Variants in DNER observed in about 807,000 individuals in gnomAD.
DNER encodes delta and Notch-like epidermal growth factor-related receptor.
A neutral mutation model predicts 78.2 loss-of-function variants in DNER; 33 were observed. That is an observed-to-expected ratio of 0.42 (90% CI 0.32 to 0.56). The LOEUF (loss-of-function observed/expected upper bound fraction) is 0.56. DNER is among the 20% of genes least tolerant of loss of function. The probability of loss-of-function intolerance (pLI) is 0.11; values close to 1 mark genes in which losing one functional copy is unlikely to be tolerated. For synonymous variants in DNER, 417 were observed against 384.8 expected (o/e 1.08, Z -0.98); for missense variants, 918 against 975.3 (o/e 0.94, Z 0.78).
intron 1 of DNER, among the ~76,000 whole-genome samples, chr2:229,667,620 C>T (rs1167679259): frequency 6.6e-6 from 1 of 152,016 alleles, no homozygotes; most frequent in East Asian, 1.9e-4. Flanking sequence ...TAGCATTTGC[C>T]CCAAATAAAT....
intron 7 of DNER, among the ~76,000 whole-genome samples, chr2:229,471,296 A>G (rs1694920528): frequency 6.6e-6 from 1 of 152,100 alleles, no homozygotes; most frequent in Non-Finnish European, 1.5e-5. Flanking sequence ...AAGCATTACC[A>G]CTGAAATTTG....
chr2:229,583,753 A>G (rs895889823), intron 4 of DNER, among the ~76,000 whole-genome samples: 1 of 152,244 alleles, frequency 6.6e-6, no homozygotes, highest in Non-Finnish European at 1.5e-5. Context: ...GGAAGTAAAT[A>G]ACAGTTACTT....
intron 7 of DNER, among the ~76,000 whole-genome samples, chr2:229,458,964 T>C (rs1016864880): frequency 2.6e-5 from 4 of 152,044 alleles, no homozygotes; most frequent in Non-Finnish European, 5.9e-5. Context: ...AGTGTTTCTA[T>C]ACACTAGTAA....
rs1287470631 is a variant in DNER, at chr2:229,358,204, G to A, written c.*336C>T. 5 of 166,312 alleles carry A rather than the reference G, an allele frequency of 3.0e-5. No homozygotes were observed. The highest frequency in any genetic ancestry group is 3.9e-5 in the Non-Finnish European group (3 of 77,040). The allele number at this position is 166,312 out of a possible 1,614,324, so 10.3% of individuals were successfully genotyped here. ...CTACTCAGAAAGCCGGCACTCAAAC[G>A]TCAAACAGAAACTTCTCCTTGATTA... On this transcript the variant is annotated 3_prime_UTR_variant, in exon 13 of 13. Transcript: ENST00000341772.
intron 9 of DNER, 109 bp downstream of exon 9, chr2:229,417,999 G>C: frequency 6.5e-7 from 1 of 1,544,314 alleles, no homozygotes. Context: ...GCATTTGATT[G>C]TTATTCTGAA....
intron 4 of DNER, among the ~76,000 whole-genome samples, chr2:229,563,590 ACAT>A (rs768703558): frequency 4.1e-4 from 39 of 94,368 alleles, no homozygotes; most frequent in Non-Finnish European, 6.6e-4. Context: ...ATCATCATTA[ACAT>A]CATCACCCCA....
chr2:229,591,732 T>G lies in DNER; in HGVS notation c.433A>C (p.Thr145Pro), dbSNP rs1375255702. Residue 145 changes from threonine to proline, a missense_variant, in exon 2 of 13, where the codon ACC becomes CCC. Coordinates refer to ENST00000341772, the MANE Select transcript of DNER (RefSeq NM_139072.4). The surrounding 1 kb of genome is among the most constrained non-coding windows in gnomAD (Gnocchi z 4.6). ...AGCTGTCGGGGTGCCATGGATTCGG[T>G]CCAGCCAGTGGCTGGGAGACTGGGA... ...ALPSLPATGWTESMAPRQLQP... is the reference protein window; with the variant it reads ...ALPSLPATGWPESMAPRQLQP... 1.2e-6 allele frequency: 2 copies of G among 1,614,122 alleles called. No individual in the cohort carries two copies. Among genetic ancestry groups the G allele is most frequent in the Admixed American group, 1.7e-5 (1 of 60,030 alleles).
At chr2:229,540,241 C>T (rs1012413330) in intron 5 of DNER, among the ~76,000 whole-genome samples, 1 of 151,710 alleles carries the variant, frequency 6.6e-6, no homozygotes, top group Non-Finnish European at 1.5e-5. Context: ...GGAGCAGGGC[C>T]AGTGAGGCAA....
chr2:229,508,800 G>T (rs1009812110), intron 6 of DNER, among the ~76,000 whole-genome samples: 1 of 152,144 alleles, frequency 6.6e-6, no homozygotes, highest in African/African-American at 2.4e-5. Context: ...AGAATGGCGT[G>T]AACCTGGGAG....
At chr2:229,537,522 G>T (rs1452687106) in intron 5 of DNER, among the ~76,000 whole-genome samples, 1 of 152,138 alleles carries the variant, frequency 6.6e-6, no homozygotes, top group Non-Finnish European at 1.5e-5. Context: ...ATTTCCTGGT[G>T]TTTAAAATAA....
intron 1 of DNER, among the ~76,000 whole-genome samples, chr2:229,619,660 A>G (rs1264431466): frequency 6.6e-6 from 1 of 152,216 alleles, no homozygotes; most frequent in Non-Finnish European, 1.5e-5. Flanking sequence ...TAGTGTACTG[A>G]GGGACCATTT....
At chr2:229,596,683 C>T (rs1290958070) in intron 1 of DNER, among the ~76,000 whole-genome samples, 1 of 152,144 alleles carries the variant, frequency 6.6e-6, no homozygotes, top group African/African-American at 2.4e-5. Context: ...GGATAAAGAG[C>T]CAGAAAGAAA....
chr2:229,381,126 G>A (rs1692725667), intron 11 of DNER, among the ~76,000 whole-genome samples: 1 of 152,056 alleles, frequency 6.6e-6, no homozygotes, highest in Non-Finnish European at 1.5e-5. Flanking sequence ...TGGAGGGCGA[G>A]CAGAAGCAGG....
chr2:229,664,936 A>C (rs1699063446), intron 1 of DNER, among the ~76,000 whole-genome samples: 1 of 152,192 alleles, frequency 6.6e-6, no homozygotes, highest in African/African-American at 2.4e-5. Context: ...TATTCCAGAG[A>C]TCAAACTTCA....
At chr2:229,564,737 C>A (rs529891722) in intron 4 of DNER, among the ~76,000 whole-genome samples, 153 of 152,278 alleles carry the variant, frequency 1.0e-3, no homozygotes, top group African/African-American at 3.5e-3. Context: ...CCATCATCAT[C>A]ATCATCATCA....
chr2:229,359,463 C>T (rs1692163501), intron 12 of DNER, among the ~76,000 whole-genome samples: 1 of 152,188 alleles, frequency 6.6e-6, no homozygotes, highest in Non-Finnish European at 1.5e-5. Context: ...ACCTCACCTT[C>T]CCTACAAGCC....
chr2:229,434,500 G>A (rs1161184089), intron 8 of DNER, among the ~76,000 whole-genome samples: 2 of 152,076 alleles, frequency 1.3e-5, no homozygotes, highest in Non-Finnish European at 2.9e-5. Context: ...ATTTCAAAAT[G>A]TAAATAAATC....
chr2:229,445,199 C>T (rs1345621612), intron 8 of DNER, among the ~76,000 whole-genome samples: 1 of 152,130 alleles, frequency 6.6e-6, no homozygotes, highest in Non-Finnish European at 1.5e-5. Flanking sequence ...ATCCACATTC[C>T]CAATAGGTAA....
chr2:229,681,759 C>T (rs1377079910), intron 1 of DNER, among the ~76,000 whole-genome samples: 1 of 151,406 alleles, frequency 6.6e-6, no homozygotes, highest in Non-Finnish European at 1.5e-5. Context: ...TGAATCCTCA[C>T]CCCAAAATCT....
Sources: allele counts gnomAD v4.1 joint callset (sites outside exome capture counted in the v4.1 genomes callset), GRCh38; gene constraint gnomAD v4.1.1; non-coding constraint Gnocchi (gnomAD v3.1); transcripts MANE v1.5; gene names NCBI Gene and HGNC (gene_info 2026-07-23, HGNC 2026-07-21).